The following FGF14 variants were observed in gnomAD, a reference collection of about 807,000 sequenced individuals.
FGF14 encodes the protein fibroblast growth factor 14, also known as fibroblast growth factor homologous factor 4.
Under a neutral mutation model 25.5 loss-of-function variants are expected in FGF14, and 5 were observed. That is an observed-to-expected ratio of 0.20 (90% CI 0.10 to 0.41). The LOEUF (loss-of-function observed/expected upper bound fraction) is 0.41, where lower values mean the gene tolerates loss of function less well. Among genes scored for constraint, FGF14 ranks in the 10% least tolerant of loss-of-function variants. The probability of loss-of-function intolerance (pLI) is 1.00; values close to 1 mark genes in which losing one functional copy is unlikely to be tolerated. For missense variants in FGF14, 222 were observed against 320.1 expected (o/e 0.69, Z 2.34); for synonymous variants, 138 against 118.3 (o/e 1.17, Z -1.08).
intron 1 of FGF14, among the ~76,000 whole-genome samples, chr13:101,901,769 T>G (rs2031585602): frequency 6.6e-6 from 1 of 152,104 alleles, no homozygotes; most frequent in African/African-American, 2.4e-5. Context: ...GCGAGGAGTT[T>G]GTGCAGAAGA....
Position 102,326,667 on chromosome 13 carries a change from G to GGGGAA in FGF14, c.208+74799_208+74803dup, listed in dbSNP as rs1334021858. Among the ~76,000 whole-genome samples the GGGGAA allele has an allele frequency of 3.8e-3, 286 of 74,808 alleles. 6 individuals carry two copies. The highest frequency in any genetic ancestry group is 8.8e-3 in the East Asian group (22 of 2,514). 49.1% of individuals were successfully genotyped at this position (74,808 alleles called of 152,430 possible). On this transcript the variant is annotated intron_variant, in intron 1 of 4. Coordinates refer to the FGF14 transcript ENST00000376131. ...AGGGAGGAGAAGGGAGGGGAAGGGA[G>GGGGAA]GGGAAGGGAAGGGAAGGGAAGGGAA...
chr13:101,888,376 T>C (rs1039576359), intron 1 of FGF14, among the ~76,000 whole-genome samples: 1 of 152,168 alleles, frequency 6.6e-6, no homozygotes, highest in African/African-American at 2.4e-5. Flanking sequence ...AATTCTGAAA[T>C]GTTAAGCTTT....
chr13:102,080,648 T>A (rs1007010062), intron 1 of FGF14, among the ~76,000 whole-genome samples: 1 of 152,200 alleles, frequency 6.6e-6, no homozygotes, highest in Non-Finnish European at 1.5e-5. Flanking sequence ...TGTAAGTGAT[T>A]ACAACCTAAA....
chr13:102,036,765 T>C (rs2041497614), intron 1 of FGF14, among the ~76,000 whole-genome samples: 1 of 152,096 alleles, frequency 6.6e-6, no homozygotes, highest in Non-Finnish European at 1.5e-5. Context: ...GTCAAAGCTA[T>C]GAATTTCTAC....
chr13:101,810,488 C>T (rs936059410), intron 3 of FGF14, among the ~76,000 whole-genome samples: 1 of 152,178 alleles, frequency 6.6e-6, no homozygotes, highest in Non-Finnish European at 1.5e-5. Flanking sequence ...GCTTAGTGGG[C>T]AATCTAATGC....
intron 3 of FGF14, among the ~76,000 whole-genome samples, chr13:101,775,673 G>T (rs775497999): frequency 4.6e-5 from 7 of 152,102 alleles, no homozygotes; most frequent in African/African-American, 1.2e-4. Flanking sequence ...AGGATAGGGG[G>T]CCTAGGGAAA....
intron 1 of FGF14, among the ~76,000 whole-genome samples, chr13:102,049,782 T>C (rs1388095389): frequency 6.6e-6 from 1 of 152,048 alleles, no homozygotes; most frequent in Non-Finnish European, 1.5e-5. Context: ...CACAATGTCA[T>C]GTGAACATGA....
At position 101,932,856 on chromosome 13, in the gene FGF14, G is replaced by A. The variant is rs1291645271; in HGVS notation, c.209-57560C>T. On this transcript the variant is annotated intron_variant, in intron 1 of 4. Coordinates refer to the FGF14 transcript ENST00000376131. ...TATATTTGGCTTTAGTGTTTAACAC[G>A]GTGGACAAGTTTAGAAAGATAAAAA... Among the ~76,000 whole-genome samples the A allele has an allele frequency of 3.3e-5, 5 of 151,216 alleles. No individual in the cohort carries two copies. The East Asian group carries it at 5.8e-4, about 18-fold the overall frequency.
chr13:101,770,777 G>A (rs916815377), intron 3 of FGF14, among the ~76,000 whole-genome samples: 8 of 152,028 alleles, frequency 5.3e-5, no homozygotes, highest in African/African-American at 1.9e-4. Context: ...CAAATGGACA[G>A]AACACACTGC....
intron 2 of FGF14, among the ~76,000 whole-genome samples, chr13:101,870,909 C>T (rs1048220249): frequency 1.3e-5 from 2 of 151,972 alleles, no homozygotes; most frequent in Admixed American, 1.3e-4. Flanking sequence ...GCCTAGATCA[C>T]GCCACTGCAC....
At chr13:102,301,684 G>C (rs1448346748) in intron 1 of FGF14, among the ~76,000 whole-genome samples, 1 of 151,984 alleles carries the variant, frequency 6.6e-6, no homozygotes, top group Non-Finnish European at 1.5e-5. Context: ...CACACCTGAG[G>C]GGAAACAGGC....
At chr13:102,351,865 T>A (rs961600762) in intron 1 of FGF14, among the ~76,000 whole-genome samples, 25 of 152,194 alleles carry the variant, frequency 1.6e-4, no homozygotes, top group African/African-American at 6.0e-4. Flanking sequence ...GCTTTTTTCT[T>A]TTTTTTCTAT....
At chr13:102,330,659 G>C (rs2138832516) in intron 1 of FGF14, among the ~76,000 whole-genome samples, 1 of 152,148 alleles carries the variant, frequency 6.6e-6, no homozygotes, top group African/African-American at 2.4e-5. Context: ...CTCTGTTCAT[G>C]CCTTTGCTGC....
At chr13:101,962,667 T>C (rs996589567) in intron 1 of FGF14, among the ~76,000 whole-genome samples, 1 of 152,010 alleles carries the variant, frequency 6.6e-6, no homozygotes, top group African/African-American at 2.4e-5. Context: ...CTACACTTTA[T>C]GAATAGCTTC....
chr13:102,020,649 G>A (rs2040595208), intron 1 of FGF14, among the ~76,000 whole-genome samples: 1 of 152,084 alleles, frequency 6.6e-6, no homozygotes, highest in East Asian at 1.9e-4. Context: ...TAGAAGAATG[G>A]AACAGGATTT....
chr13:102,059,356 A>G (rs1322197265), intron 1 of FGF14, among the ~76,000 whole-genome samples: 1 of 152,186 alleles, frequency 6.6e-6, no homozygotes, highest in Non-Finnish European at 1.5e-5. Flanking sequence ...CACTCTCACA[A>G]TGAGTGACCA....
At chr13:101,790,231 T>G (rs1007776430) in intron 3 of FGF14, among the ~76,000 whole-genome samples, 1 of 152,016 alleles carries the variant, frequency 6.6e-6, no homozygotes, top group Non-Finnish European at 1.5e-5. Flanking sequence ...CCACTCTACC[T>G]TTTTTAAAAT....
At chr13:101,847,289 G>A (rs555735702) in intron 3 of FGF14, among the ~76,000 whole-genome samples, 1 of 152,030 alleles carries the variant, frequency 6.6e-6, no homozygotes, top group East Asian at 1.9e-4. Context: ...GCCTCTGATT[G>A]AAGGCAGCTG....
chr13:101,822,164 A>C (rs947809478), intron 3 of FGF14, among the ~76,000 whole-genome samples: 4 of 152,118 alleles, frequency 2.6e-5, no homozygotes, highest in Non-Finnish European at 4.4e-5. Flanking sequence ...TCCTACTTCA[A>C]ATCTGTATGT....
Sources: allele counts gnomAD v4.1 joint callset (sites outside exome capture counted in the v4.1 genomes callset), GRCh38; gene constraint gnomAD v4.1.1; transcripts MANE v1.5; gene names NCBI Gene and HGNC (gene_info 2026-07-23, HGNC 2026-07-21).